FKBP5: variants seen among roughly 807,000 people sequenced by gnomAD.
FKBP5 encodes the protein peptidyl-prolyl cis-trans isomerase FKBP5.
A neutral mutation model predicts 50.5 loss-of-function variants in FKBP5; 23 were observed. That is an observed-to-expected ratio of 0.46 (90% confidence interval 0.33 to 0.65). The LOEUF (loss-of-function observed/expected upper bound fraction) is 0.65, where lower values mean the gene tolerates loss of function less well. Among genes scored for constraint, FKBP5 ranks in the 30% least tolerant of loss-of-function variants. The pLI, the probability that FKBP5 is intolerant of heterozygous loss-of-function variation, is 0.02. For synonymous variants in FKBP5, 176 were observed against 190.6 expected, an observed-to-expected ratio of 0.92 and a Z score of 0.63; for missense variants, 411 against 553.1, an observed-to-expected ratio of 0.74 and a Z score of 2.58.
At chr6:35,707,766 CTCA>C (rs1203352806) in intron 2 of FKBP5, among the ~76,000 whole-genome samples, 2 of 152,078 alleles carry the variant, frequency 1.3e-5, no homozygotes, top group African/African-American at 4.8e-5. Flanking sequence ...TCCATGTGTT[CTCA>C]TCATTTAGCT....
intron 3 of FKBP5, 103 bp downstream of exon 3, chr6:35,636,911 C>A (rs1046793331): frequency 2.1e-5 from 24 of 1,132,012 alleles, no homozygotes; most frequent in Non-Finnish European, 2.6e-5. Context: ...TACTACTACT[C>A]TAAAATTTCT....
rs565920451 is a variant in FKBP5 at position 35,705,706 on chromosome 6, G to A, written c.-20+14622C>T. 2.6e-5 allele frequency among the ~76,000 whole-genome samples: 4 copies of A among 152,252 alleles called. No homozygotes were observed. The South Asian group carries it at 8.3e-4, about 32-fold the overall frequency. On this transcript the variant is annotated intron_variant, in intron 2 of 11. Coordinates refer to the FKBP5 transcript ENST00000536438. ...GGTGGAAAAACTGATTAGCTATCTG[G>A]GGGTGAGGAGGGTGAGGGGAGCTAG...
intron 1 of FKBP5, among the ~76,000 whole-genome samples, chr6:35,676,058 A>G (rs138318101): frequency 3.2e-4 from 48 of 152,338 alleles, no homozygotes; most frequent in South Asian, 2.5e-3. Context: ...AAATATGGGT[A>G]ATGAAGGACA....
At chr6:35,656,082 T>C (rs1764939055) in intron 1 of FKBP5, among the ~76,000 whole-genome samples, 1 of 152,238 alleles carries the variant, frequency 6.6e-6, no homozygotes, top group African/African-American at 2.4e-5. Context: ...TACTGTATCC[T>C]CTTACAGTAC....
intron 7 of FKBP5, among the ~76,000 whole-genome samples, 196 bp from the exon 8 acceptor site, chr6:35,587,313 T>C (rs535151391): frequency 4.1e-4 from 62 of 152,362 alleles, no homozygotes; most frequent in African/African-American, 1.4e-3. Context: ...CTTTCCATCA[T>C]GACCAAGCTG....
chr6:35,641,789 G>A (rs1171452094), intron 2 of FKBP5, among the ~76,000 whole-genome samples: 1 of 152,176 alleles, frequency 6.6e-6, no homozygotes, highest in South Asian at 2.1e-4. Flanking sequence ...CGGATCACCT[G>A]AGGTCAGGAG....
chr6:35,719,856 C>G (rs1040954683), intron 2 of FKBP5, among the ~76,000 whole-genome samples: 1 of 152,220 alleles, frequency 6.6e-6, no homozygotes, highest in Non-Finnish European at 1.5e-5. Context: ...TTTCCCCTTT[C>G]TGGGAGGGGG....
chr6:35,616,250 G>A (rs775944355), intron 5 of FKBP5, among the ~76,000 whole-genome samples: 5 of 145,534 alleles, frequency 3.4e-5, no homozygotes, highest in Non-Finnish European at 7.5e-5. Context: ...AGGAGGTGGA[G>A]GTTGCAGTGA....
At chr6:35,580,286 C>T (rs1762384521) in intron 8 of FKBP5, 65 bp from the exon 9 acceptor site, 1 of 1,364,448 alleles carries the variant, frequency 7.3e-7, no homozygotes, top group Non-Finnish European at 1.0e-6. Context: ...AAAGCAAATC[C>T]TCAAAGTGAA....
At chr6:35,707,514 C>G (rs1345316414) in intron 2 of FKBP5, among the ~76,000 whole-genome samples, 1 of 152,102 alleles carries the variant, frequency 6.6e-6, no homozygotes, top group Non-Finnish European at 1.5e-5. Context: ...AGCCACCGCG[C>G]CCGGCCATGA....
intron 1 of FKBP5, among the ~76,000 whole-genome samples, chr6:35,677,859 T>C (rs891616224): frequency 5.3e-5 from 8 of 152,030 alleles, no homozygotes; most frequent in East Asian, 3.9e-4. Context: ...TCATGGCTCA[T>C]TGCAGCCTCA....
chr6:35,689,618 G>A (rs558801693), upstream of FKBP5, among the ~76,000 whole-genome samples: 2 of 152,024 alleles, frequency 1.3e-5, no homozygotes, highest in Non-Finnish European at 2.9e-5. Context: ...CGAGGTGGGC[G>A]GACCACGAGG....
intron 7 of FKBP5, among the ~76,000 whole-genome samples, chr6:35,588,941 C>T (rs920408030): frequency 1.6e-4 from 24 of 150,942 alleles, no homozygotes; most frequent in Non-Finnish European, 2.5e-4. Flanking sequence ...GGGGGTCTCA[C>T]TATGTTGCCC....
intron 2 of FKBP5, among the ~76,000 whole-genome samples, chr6:35,703,328 C>T (rs1405286587): frequency 6.6e-6 from 1 of 152,068 alleles, no homozygotes. Flanking sequence ...ACAAGAATCA[C>T]TTGAACCCGG....
rs11961270 is a variant in FKBP5 at position 35,607,601 on chromosome 6, C to T, written c.509-10197G>A. 7.3e-3 allele frequency: 1,111 copies of T among 153,020 alleles called. 11 individuals carry two copies. The highest frequency in any genetic ancestry group is 0.023 in the African/African-American group (957 of 41,558). 9.5% of individuals were successfully genotyped at this position (153,020 alleles called of 1,614,324 possible). A position where few individuals can be genotyped will look rare whatever the true frequency, so the allele number is the denominator to read the frequency against. On this transcript the variant is annotated intron_variant, in intron 5 of 10. Coordinates refer to ENST00000357266, the MANE Select transcript of FKBP5 (RefSeq NM_004117.4). ...GATAAAAATGTGGGCTTCCTTCTGC[C>T]ACGGCCACCATTGGAGAGCAGCGGC...
chr6:35,631,392 C>G lies in FKBP5; in HGVS notation c.250+5622G>C, dbSNP rs971215386. On this transcript the variant is annotated intron_variant, in intron 3 of 10. Coordinates refer to ENST00000357266, the MANE Select transcript of FKBP5 (RefSeq NM_004117.4). ...AAGGCAAAATTATAGTAACAGAAACCAAGTTAGTGACTGCCTGGGGCTCAG... is the reference window on the plus strand; with the variant it reads ...AAGGCAAAATTATAGTAACAGAAACGAAGTTAGTGACTGCCTGGGGCTCAG... Among the ~76,000 whole-genome samples, 6 of 152,030 alleles carry G rather than the reference C, an allele frequency of 3.9e-5. No homozygotes were observed. In the East Asian group the frequency reaches 1.2e-3, roughly 29 times the overall value.
intron 3 of FKBP5, among the ~76,000 whole-genome samples, chr6:35,622,566 G>C (rs769689345): frequency 1.1e-4 from 17 of 151,328 alleles, no homozygotes; most frequent in Non-Finnish European, 2.1e-4. Context: ...ACCCATGAAA[G>C]AGATGGAAAG....
chr6:35,653,054 T>C (rs754416043), intron 1 of FKBP5, among the ~76,000 whole-genome samples: 20 of 152,134 alleles, frequency 1.3e-4, no homozygotes, highest in African/African-American at 4.6e-4. Flanking sequence ...GATGGGAGTA[T>C]TGATAGACAT....
chr6:35,674,939 G>C (rs914737172), intron 1 of FKBP5, among the ~76,000 whole-genome samples: 1 of 152,224 alleles, frequency 6.6e-6, no homozygotes, highest in East Asian at 1.9e-4. Context: ...TCCTTTCTGA[G>C]AGCAGGATCA....
Sources: allele counts gnomAD v4.1 joint callset (sites outside exome capture counted in the v4.1 genomes callset), GRCh38; gene constraint gnomAD v4.1.1; transcripts MANE v1.5; gene names NCBI Gene and HGNC (gene_info 2026-07-23, HGNC 2026-07-21).